SLC39A10: variants seen among roughly 807,000 people sequenced by gnomAD.
SLC39A10 encodes the protein solute carrier family 39 member 10.
A neutral mutation model predicts 65.1 loss-of-function variants in SLC39A10; 13 were observed. The observed-to-expected ratio is 0.20, with a 90% CI of 0.13 to 0.32. SLC39A10 has a LOEUF of 0.32. Among genes scored for constraint, SLC39A10 ranks in the 10% least tolerant of loss-of-function variants. The pLI, the probability that SLC39A10 is intolerant of heterozygous loss-of-function variation, is 1.00. For missense variants in SLC39A10, 831 were observed against 1,018.4 expected, an observed-to-expected ratio of 0.82 and a Z score of 2.50; for synonymous variants, 321 against 342.2, an observed-to-expected ratio of 0.94 and a Z score of 0.68.
chr2:195,650,380 G>A (rs114086261), intron 2 of SLC39A10, among the ~76,000 whole-genome samples: 3,999 of 152,020 alleles, frequency 0.026, 67 homozygotes, highest in Middle Eastern at 0.08. Context: ...TGTTAGTCTG[G>A]CTCTGGCTCT....
At chr2:195,651,022 G>T (rs191116630) in intron 2 of SLC39A10, among the ~76,000 whole-genome samples, 1 of 151,828 alleles carries the variant, frequency 6.6e-6, no homozygotes, top group Non-Finnish European at 1.5e-5. Flanking sequence ...AGTGAGCTGT[G>T]ATTGCACCAC....
Position 195,663,956 on chromosome 2 carries a change from T to C in SLC39A10, c.-12+6675T>C, listed in dbSNP as rs79886962. Among the ~76,000 whole-genome samples, 176 of 152,032 alleles carry C rather than the reference T, an allele frequency of 1.2e-3. 1 individual carries two copies. The East Asian group carries it at 0.012, about 10-fold the overall frequency. ...GTTTTTCAGCCCTTTCCCTCCTCCT[T>C]CTCTCCCGTTTTTTCCAAATAAAGT... On this transcript the variant is annotated intron_variant, in intron 1 of 9. Coordinates refer to ENST00000359634, the MANE Select transcript of SLC39A10 (RefSeq NM_020342.3).
intron 3 of SLC39A10, among the ~76,000 whole-genome samples, chr2:195,705,029 C>G (rs1025356726): frequency 3.3e-5 from 5 of 152,208 alleles, no homozygotes; most frequent in Non-Finnish European, 7.3e-5. Context: ...AACTCCTGGA[C>G]TCAAGCTATC....
intron 3 of SLC39A10, among the ~76,000 whole-genome samples, chr2:195,688,468 A>C (rs1052680178): frequency 6.6e-6 from 1 of 152,220 alleles, no homozygotes; most frequent in Non-Finnish European, 1.5e-5. Context: ...CATAGGTCAA[A>C]AGGATTATTC....
At chr2:195,613,514 C>T (rs947468120) in intron 2 of SLC39A10, among the ~76,000 whole-genome samples, 11 of 152,078 alleles carry the variant, frequency 7.2e-5, no homozygotes, top group Admixed American at 3.9e-4. Context: ...TTAGGAGTTT[C>T]TTTTTAAAAA....
intron 4 of SLC39A10, among the ~76,000 whole-genome samples, chr2:195,707,237 A>G (rs1032753769): frequency 2.6e-5 from 4 of 152,184 alleles, no homozygotes; most frequent in African/African-American, 9.7e-5. Context: ...CTGTCATGCC[A>G]GTCCTTTTCT....
At chr2:195,630,390 G>C (rs979168473) in intron 2 of SLC39A10, among the ~76,000 whole-genome samples, 2 of 152,072 alleles carry the variant, frequency 1.3e-5, no homozygotes, top group Non-Finnish European at 2.9e-5. Context: ...GCCCTCCCTG[G>C]GCACACTACC....
chr2:195,637,261 T>C (rs1688714402), intron 2 of SLC39A10, among the ~76,000 whole-genome samples: 1 of 152,204 alleles, frequency 6.6e-6, no homozygotes, highest in Non-Finnish European at 1.5e-5. Flanking sequence ...ATAAGCTGCA[T>C]GTAGAAAGTG....
At chr2:195,630,653 G>A (rs1278987269) in intron 2 of SLC39A10, among the ~76,000 whole-genome samples, 2 of 152,182 alleles carry the variant, frequency 1.3e-5, no homozygotes, top group Non-Finnish European at 2.9e-5. Context: ...AAGGGCAATG[G>A]TAGTTATGAA....
At chr2:195,613,190 T>C (rs1688135099) in intron 2 of SLC39A10, among the ~76,000 whole-genome samples, 1 of 151,942 alleles carries the variant, frequency 6.6e-6, no homozygotes, top group Admixed American at 6.6e-5. Flanking sequence ...ACCCCACCCT[T>C]CTATCCTCCT....
At chr2:195,634,204 C>T (rs1688653948) in intron 2 of SLC39A10, among the ~76,000 whole-genome samples, 2 of 152,192 alleles carry the variant, frequency 1.3e-5, no homozygotes, top group Non-Finnish European at 2.9e-5. Context: ...CACAGAATAA[C>T]GAATACTTTT....
At position 195,683,760 on chromosome 2, in the gene SLC39A10, C is replaced by T; in HGVS notation, c.1070C>T (p.Thr357Ile). 1.2e-6 allele frequency: 2 copies of T among 1,613,388 alleles called. No homozygotes were observed. Among genetic ancestry groups the T allele is most frequent in the Non-Finnish European group, 1.7e-6 (2 of 1,179,528 alleles). Residue 357 changes from threonine to isoleucine, a missense_variant, in exon 3 of 10, where the codon ACT becomes ATT. Thr to Ile is a moderately conservative substitution (Grantham distance 89, BLOSUM62 -1). Around this residue, in one of 4 missense-constraint regions of SLC39A10, gnomAD observed 446 missense variants for 499.2 expected, o/e 0.89. Coordinates refer to ENST00000359634, the MANE Select transcript of SLC39A10 (RefSeq NM_020342.3). ...YGHGANSPIS[T>I]DLFTYLCPAL... Reference sequence around the variant, plus strand: ...CATGGTGCCAACTCTCCCATCTCAACTGATTTATTTACATACCTTTGCCCT... The same window carrying T: ...CATGGTGCCAACTCTCCCATCTCAATTGATTTATTTACATACCTTTGCCCT...
chr2:195,622,931 C>T (rs375647913), intron 2 of SLC39A10, among the ~76,000 whole-genome samples: 1 of 149,686 alleles, frequency 6.7e-6, no homozygotes, highest in East Asian at 2.0e-4. Flanking sequence ...GAGATGGCGC[C>T]CCTGCACTCC....
At chr2:195,701,244 T>C (rs2105802615) in intron 3 of SLC39A10, among the ~76,000 whole-genome samples, 1 of 152,082 alleles carries the variant, frequency 6.6e-6, no homozygotes, top group East Asian at 1.9e-4. Flanking sequence ...TCAGTTATTG[T>C]ACTTCGCAGT....
chr2:195,624,907 A>AG (rs1688433789), intron 2 of SLC39A10, among the ~76,000 whole-genome samples: 1 of 148,908 alleles, frequency 6.7e-6, no homozygotes, highest in Non-Finnish European at 1.5e-5. Flanking sequence ...AAAAAAAAAA[A>AG]AAGTTTAGTA....
intron 1 of SLC39A10, among the ~76,000 whole-genome samples, chr2:195,678,972 A>G (rs1690201186): frequency 6.6e-6 from 1 of 152,216 alleles, no homozygotes; most frequent in African/African-American, 2.4e-5. Context: ...TTCTTGAAGT[A>G]TGCTTGTCCA....
At chr2:195,711,295 CT>C (rs1464723716) in intron 5 of SLC39A10, among the ~76,000 whole-genome samples, 1 of 152,028 alleles carries the variant, frequency 6.6e-6, no homozygotes, top group African/African-American at 2.4e-5. Flanking sequence ...ATAATTTGAT[CT>C]TTTTAATCTC....
At chr2:195,623,402 G>C (rs563718808) in intron 2 of SLC39A10, among the ~76,000 whole-genome samples, 210 of 151,850 alleles carry the variant, frequency 1.4e-3, no homozygotes, top group African/African-American at 4.5e-3. Context: ...CCATCCTTAC[G>C]CCGTGTTGTA....
chr2:195,672,120 A>G (rs1322601976), intron 1 of SLC39A10, among the ~76,000 whole-genome samples: 3 of 152,018 alleles, frequency 2.0e-5, no homozygotes, highest in African/African-American at 7.2e-5. Context: ...TGCATATTTC[A>G]TCTAAATGAT....
Sources: gnomAD v4.1 joint callset for allele counts (sites outside exome capture counted in the v4.1 genomes callset) on GRCh38, gnomAD v4.1.1 for gene constraint, gnomAD v4.1.1 regional missense constraint, MANE v1.5 for transcripts, NCBI Gene and HGNC (gene_info 2026-07-23, HGNC 2026-07-21) for gene names.